Variants in THADA observed in about 807,000 individuals in gnomAD.
THADA encodes the protein THADA armadillo repeat containing, also known as tRNA (32-2'-O)-methyltransferase regulator THADA.
Under a neutral mutation model 219.8 loss-of-function variants are expected in THADA, and 213 were observed. The ratio of observed to expected loss-of-function variants is 0.97; its 90% CI spans 0.87 to 1.09. The LOEUF (loss-of-function observed/expected upper bound fraction) is 1.09. THADA is among the 50% of genes least tolerant of loss of function. The pLI, the probability that THADA is intolerant of heterozygous loss-of-function variation, is 0.00. For synonymous variants in THADA, 1,018 were observed against 828.9 expected, an observed-to-expected ratio of 1.23 and a Z score of -3.92; for missense variants, 2,956 against 2,311.3, an observed-to-expected ratio of 1.28 and a Z score of -5.72.
intron 28 of THADA, among the ~76,000 whole-genome samples, chr2:43,415,693 TTCTGTCAGGCTGTGGAGCCCCCG>T: frequency 6.6e-6 from 1 of 152,208 alleles, no homozygotes; most frequent in African/African-American, 2.4e-5. Context: ...ACTAGTTCTC[TTCTGTCAGGCTGTGGAGCCCCCG>T]AGGTTCATAT....
intron 31 of THADA, among the ~76,000 whole-genome samples, chr2:43,295,734 T>A (rs1476160337): frequency 6.6e-6 from 1 of 152,184 alleles, no homozygotes; most frequent in African/African-American, 2.4e-5. Context: ...CAGAAAAATT[T>A]ATTTGAAATT....
At chr2:43,423,182 G>A (rs548725722) in intron 28 of THADA, among the ~76,000 whole-genome samples, 74 of 152,154 alleles carry the variant, frequency 4.9e-4, no homozygotes, top group Admixed American at 7.8e-4. Flanking sequence ...TATGCTTGAA[G>A]GTTATTTTGA....
chr2:43,486,454 G>A (rs1004200177), intron 25 of THADA: 2 of 152,150 alleles, frequency 1.3e-5, no homozygotes, highest in Non-Finnish European at 2.9e-5. Context: ...CAGTGTGTAA[G>A]GCCCTATACC....
chr2:43,520,999 A>G (rs536728604), intron 22 of THADA, among the ~76,000 whole-genome samples: 17 of 86,878 alleles, frequency 2.0e-4, no homozygotes, highest in Admixed American at 1.7e-3. Context: ...AAAGGGAGGA[A>G]AGGGAGGGAA....
intron 17 of THADA, 192 bp downstream of exon 17, chr2:43,556,153 C>G: frequency 8.3e-7 from 1 of 1,211,142 alleles, no homozygotes; most frequent in Non-Finnish European, 1.1e-6. Context: ...CAACATAAAT[C>G]CACTGTTTAG....
At chr2:43,380,687 A>C (rs771388022) in intron 29 of THADA, among the ~76,000 whole-genome samples, 1 of 152,206 alleles carries the variant, frequency 6.6e-6, no homozygotes, top group Non-Finnish European at 1.5e-5. Context: ...CAGTGCCCCA[A>C]TCTTGGTTTC....
chr2:43,425,246 T>C (rs150213817), intron 28 of THADA, among the ~76,000 whole-genome samples: 198 of 152,284 alleles, frequency 1.3e-3, no homozygotes, highest in Middle Eastern at 3.4e-3. Context: ...TCAGAGTCAC[T>C]GTAAGTAAAA....
At chr2:43,259,952 T>TGTTC (rs1670751816) in intron 36 of THADA, among the ~76,000 whole-genome samples, 1 of 152,226 alleles carries the variant, frequency 6.6e-6, no homozygotes, top group Admixed American at 6.5e-5. Flanking sequence ...TGATCATGCC[T>TGTTC]GTTCCTTCAC....
intron 36 of THADA, among the ~76,000 whole-genome samples, chr2:43,252,085 A>T (rs1184549094): frequency 6.6e-6 from 1 of 152,088 alleles, no homozygotes; most frequent in African/African-American, 2.4e-5. Flanking sequence ...AGTCCATACT[A>T]ACCATCTCCC....
intron 29 of THADA, among the ~76,000 whole-genome samples, chr2:43,397,229 C>T (rs1255501618): frequency 1.3e-5 from 2 of 152,142 alleles, no homozygotes; most frequent in Non-Finnish European, 2.9e-5. Flanking sequence ...GGCCATCTCT[C>T]AACTCTGTTC....
At chr2:43,515,704 G>A (rs1054108902) in intron 22 of THADA, among the ~76,000 whole-genome samples, 4 of 151,670 alleles carry the variant, frequency 2.6e-5, no homozygotes, top group Non-Finnish European at 4.4e-5. Context: ...AGCAGTGAAG[G>A]AAAACAACTG....
At chr2:43,380,995 G>A (rs975184127) in intron 29 of THADA, among the ~76,000 whole-genome samples, 11 of 149,896 alleles carry the variant, frequency 7.3e-5, no homozygotes, top group African/African-American at 2.5e-4. Context: ...CTACTCAGGA[G>A]GCTAAGACAG....
chr2:43,480,646 TAA>T (rs984183706), intron 26 of THADA, among the ~76,000 whole-genome samples: 1 of 145,110 alleles, frequency 6.9e-6, no homozygotes, highest in Admixed American at 6.9e-5. Flanking sequence ...CCATTTCTAC[TAA>T]AAAAAAAAAA....
chr2:43,434,756 C>T (rs1341739435), intron 26 of THADA, among the ~76,000 whole-genome samples: 1 of 152,216 alleles, frequency 6.6e-6, no homozygotes, highest in Non-Finnish European at 1.5e-5. Context: ...ATTCTCCAAG[C>T]CTACGTGTGA....
chr2:43,474,638 G>C (rs1408983990), intron 26 of THADA, among the ~76,000 whole-genome samples: 1 of 151,890 alleles, frequency 6.6e-6, no homozygotes, highest in South Asian at 2.1e-4. Context: ...GCATAAGAAG[G>C]CTTTGCTTAT....
At chr2:43,242,465 C>T (rs1668721711) in intron 36 of THADA, among the ~76,000 whole-genome samples, 1 of 152,146 alleles carries the variant, frequency 6.6e-6, no homozygotes, top group Non-Finnish European at 1.5e-5. Context: ...TTATCTGACT[C>T]CAGCACTCCA....
chr2:43,361,512 T>C (rs1025383583), intron 29 of THADA, among the ~76,000 whole-genome samples: 1 of 152,258 alleles, frequency 6.6e-6, no homozygotes, highest in Non-Finnish European at 1.5e-5. Context: ...CTGGTTCTCC[T>C]GTTCTCCTAG....
chr2:43,420,930 A>G (rs1445820353), intron 28 of THADA, among the ~76,000 whole-genome samples: 1 of 152,244 alleles, frequency 6.6e-6, no homozygotes, highest in Non-Finnish European at 1.5e-5. Flanking sequence ...TAGGCACAGT[A>G]AAAAGGAGGC....
intron 26 of THADA, among the ~76,000 whole-genome samples, chr2:43,438,604 A>T (rs1354374476): frequency 6.6e-6 from 1 of 152,192 alleles, no homozygotes; most frequent in Non-Finnish European, 1.5e-5. Context: ...AAACATGAGT[A>T]AACTGTAGTA....
Sources: allele counts gnomAD v4.1 joint callset (sites outside exome capture counted in the v4.1 genomes callset), GRCh38; gene constraint gnomAD v4.1.1; transcripts MANE v1.5; gene names NCBI Gene and HGNC (gene_info 2026-07-23, HGNC 2026-07-21).